PABPC4L: variants seen among roughly 807,000 people sequenced by gnomAD.
PABPC4L encodes the protein poly(A) binding protein cytoplasmic 4 like.
For synonymous variants in PABPC4L, 169 were observed against 164.1 expected (o/e 1.03, Z -0.23); for missense variants, 452 against 451.4 (o/e 1.00, Z -0.01).
At chr4:134,154,627 G>T in the PABPC4L span, among the ~76,000 whole-genome samples, 1 of 151,770 alleles carries the variant, frequency 6.6e-6, no homozygotes, top group Non-Finnish European at 1.5e-5. Flanking sequence ...CATTTGGCTG[G>T]TAAGATTTTT....
the PABPC4L span, among the ~76,000 whole-genome samples, chr4:134,126,546 T>C: frequency 2.6e-5 from 4 of 152,174 alleles, no homozygotes; most frequent in Non-Finnish European, 5.9e-5. Context: ...GGCATTTAGA[T>C]GTATTTTACT....
the PABPC4L span, among the ~76,000 whole-genome samples, chr4:134,121,942 G>A: frequency 6.6e-6 from 1 of 151,724 alleles, no homozygotes; most frequent in Non-Finnish European, 1.5e-5. Context: ...GCCATGATGT[G>A]TTTTCTTTAA....
chr4:134,014,929 C>T, the PABPC4L span, among the ~76,000 whole-genome samples: 1 of 152,068 alleles, frequency 6.6e-6, no homozygotes, highest in Admixed American at 6.6e-5. Context: ...GCCCAGTTCC[C>T]TTATTAGGCT....
At chr4:134,161,103 T>C in the PABPC4L span, among the ~76,000 whole-genome samples, 6 of 151,890 alleles carry the variant, frequency 4.0e-5, no homozygotes. Flanking sequence ...ATATTTAAAA[T>C]AATTAAGCAG....
At chr4:133,991,558 G>A in the PABPC4L span, among the ~76,000 whole-genome samples, 30 of 152,118 alleles carry the variant, frequency 2.0e-4, no homozygotes, top group Admixed American at 2.0e-3. Flanking sequence ...ACACATTTCT[G>A]GCCAAGCTAT....
At chr4:134,064,902 T>A in the PABPC4L span, among the ~76,000 whole-genome samples, 8 of 152,146 alleles carry the variant, frequency 5.3e-5, no homozygotes, top group Non-Finnish European at 1.2e-4. Context: ...TCCAGTTGCA[T>A]CCATGTTGCT....
the PABPC4L span, among the ~76,000 whole-genome samples, chr4:134,130,063 T>TAA: frequency 2.0e-3 from 217 of 111,006 alleles, 2 homozygotes; most frequent in African/African-American, 6.7e-3. Flanking sequence ...AGACTCTGTT[T>TAA]AAAAAAAAAA....
At chr4:134,082,876 C>T in the PABPC4L span, among the ~76,000 whole-genome samples, 3 of 152,032 alleles carry the variant, frequency 2.0e-5, no homozygotes, top group African/African-American at 7.2e-5. Flanking sequence ...GCAACATGAT[C>T]GATATTTTCC....
chr4:134,135,047 A>T, the PABPC4L span, among the ~76,000 whole-genome samples: 1 of 152,176 alleles, frequency 6.6e-6, no homozygotes, highest in Non-Finnish European at 1.5e-5. Flanking sequence ...GAATTAATAC[A>T]TATACTAAAC....
At chr4:133,975,484 C>T in the PABPC4L span, among the ~76,000 whole-genome samples, 42 of 152,082 alleles carry the variant, frequency 2.8e-4, no homozygotes, top group African/African-American at 9.9e-4. Flanking sequence ...TTTTATATTA[C>T]GTGAATTATA....
the PABPC4L span, among the ~76,000 whole-genome samples, chr4:133,979,993 T>A: frequency 3.3e-5 from 5 of 152,296 alleles, no homozygotes; most frequent in East Asian, 9.7e-4. Context: ...AGAATATCTT[T>A]TGTTTTCTTT....
At chr4:134,003,249 A>C in the PABPC4L span, among the ~76,000 whole-genome samples, 1 of 152,012 alleles carries the variant, frequency 6.6e-6, no homozygotes, top group South Asian at 2.1e-4. Context: ...AACACCTTCC[A>C]GTTATGTATA....
chr4:134,097,302 G>T, the PABPC4L span, among the ~76,000 whole-genome samples: 2 of 151,798 alleles, frequency 1.3e-5, no homozygotes, highest in African/African-American at 4.8e-5. Flanking sequence ...AGAAATTCAT[G>T]TTACATCCAC....
At chr4:133,989,060 C>T in the PABPC4L span, among the ~76,000 whole-genome samples, 1 of 152,064 alleles carries the variant, frequency 6.6e-6, no homozygotes, top group African/African-American at 2.4e-5. Context: ...GCACCATGTC[C>T]TGAAGATGCA....
At chr4:134,188,775 G>C in the PABPC4L span, among the ~76,000 whole-genome samples, 1 of 151,906 alleles carries the variant, frequency 6.6e-6, no homozygotes, top group Non-Finnish European at 1.5e-5. Context: ...ATACTTCCAG[G>C]CATAGTTTTG....
chr4:134,134,942 C>A, the PABPC4L span, among the ~76,000 whole-genome samples: 2 of 151,630 alleles, frequency 1.3e-5, no homozygotes, highest in Non-Finnish European at 2.9e-5. Flanking sequence ...GTGTGGGAAC[C>A]AGAAATCAAT....
chr4:134,051,513 T>C, the PABPC4L span, among the ~76,000 whole-genome samples: 1 of 152,162 alleles, frequency 6.6e-6, no homozygotes, highest in Admixed American at 6.6e-5. Context: ...TTCTGGGTAA[T>C]AGTGTTTTAA....
the PABPC4L span, among the ~76,000 whole-genome samples, chr4:134,016,701 A>C: frequency 1.3e-5 from 2 of 152,140 alleles, no homozygotes; most frequent in African/African-American, 2.4e-5. Context: ...TCGTCATTTC[A>C]TAACCTCTTC....
At chr4:134,036,100 A>G in the PABPC4L span, among the ~76,000 whole-genome samples, 1 of 152,052 alleles carries the variant, frequency 6.6e-6, no homozygotes, top group Non-Finnish European at 1.5e-5. Context: ...AAAACCTACC[A>G]TATCAGTAGA....
Sources: allele counts gnomAD v4.1 joint callset (sites outside exome capture counted in the v4.1 genomes callset), GRCh38; gene constraint gnomAD v4.1.1; transcripts MANE v1.5; gene names NCBI Gene and HGNC (gene_info 2026-07-23, HGNC 2026-07-21).